ANO1: variants seen among roughly 807,000 people sequenced by gnomAD.
ANO1 encodes the protein anoctamin 1.
Under a neutral mutation model 124.0 loss-of-function variants are expected in ANO1, and 59 were observed. That is an observed-to-expected ratio of 0.48 (90% CI 0.39 to 0.59). ANO1 has a LOEUF of 0.59. ANO1 is among the 20% of genes least tolerant of loss of function. ANO1 has a pLI of 0.00. For missense variants in ANO1, 1,059 were observed against 1,328.0 expected, an observed-to-expected ratio of 0.80 and a Z score of 3.15; for synonymous variants, 529 against 532.0, an observed-to-expected ratio of 0.99 and a Z score of 0.08.
intron 1 of ANO1, among the ~76,000 whole-genome samples, chr11:70,081,362 G>T (rs1565179607): frequency 6.6e-6 from 1 of 152,282 alleles, no homozygotes; most frequent in East Asian, 1.9e-4. Flanking sequence ...GCTGGTATCT[G>T]CCCAGTATTT....
chr11:70,016,144 C>T (rs997994315), intron 1 of ANO1, among the ~76,000 whole-genome samples: 1 of 151,786 alleles, frequency 6.6e-6, no homozygotes, highest in Non-Finnish European at 1.5e-5. Flanking sequence ...TCTCCTGCTT[C>T]GGCCTCCTAA....
At chr11:70,128,907 G>A (rs889000252) in intron 10 of ANO1, among the ~76,000 whole-genome samples, 1 of 152,226 alleles carries the variant, frequency 6.6e-6, no homozygotes, top group Non-Finnish European at 1.5e-5. Context: ...TGGGCAGGCC[G>A]TTGGTGTACG....
At chr11:70,084,013 G>A (rs532407286) in intron 1 of ANO1, among the ~76,000 whole-genome samples, 3 of 152,282 alleles carry the variant, frequency 2.0e-5, no homozygotes, top group Non-Finnish European at 2.9e-5. Flanking sequence ...CAGAAAGGGC[G>A]TACAGGGAGG....
chr11:70,055,202 A>G (rs1000914502), intron 1 of ANO1, among the ~76,000 whole-genome samples: 4 of 152,118 alleles, frequency 2.6e-5, no homozygotes, highest in African/African-American at 9.7e-5. Context: ...TGCACTTAAA[A>G]AATATGTATA....
At chr11:70,037,077 C>T (rs1013202119) in intron 1 of ANO1, among the ~76,000 whole-genome samples, 2 of 152,304 alleles carry the variant, frequency 1.3e-5, no homozygotes, top group Admixed American at 1.3e-4. Context: ...TCTCATCTGT[C>T]GGCCTTTAGT....
At chr11:70,186,835 C>T (rs2049146863) in intron 25 of ANO1, among the ~76,000 whole-genome samples, 1 of 152,242 alleles carries the variant, frequency 6.6e-6, no homozygotes, top group Admixed American at 6.5e-5. Context: ...CCTCTAAGCT[C>T]AGTGGCCCCA....
chr11:69,996,757 G>T (rs1365708129), intron 1 of ANO1, among the ~76,000 whole-genome samples: 2 of 152,220 alleles, frequency 1.3e-5, no homozygotes, highest in Non-Finnish European at 2.9e-5. Context: ...AGATGAGGAG[G>T]TTAGAGTCTG....
intron 18 of ANO1, 132 bp downstream of exon 18, chr11:70,161,865 T>C: frequency 2.4e-6 from 2 of 845,848 alleles, no homozygotes; most frequent in Non-Finnish European, 3.8e-6. Context: ...CCAAAGAGGG[T>C]CAGGGAGAAG....
intron 11 of ANO1, among the ~76,000 whole-genome samples, chr11:70,135,538 T>C (rs2046923969): frequency 1.3e-5 from 2 of 152,174 alleles, no homozygotes; most frequent in African/African-American, 4.8e-5. Flanking sequence ...GGCACAGCCG[T>C]CTGAGAACCC....
chr11:70,163,367 C>A (rs539860668), intron 19 of ANO1, 27 bp downstream of exon 19: 2 of 1,612,748 alleles, frequency 1.2e-6, no homozygotes, highest in South Asian at 1.1e-5. Context: ...TCATCTCTGG[C>A]AGCCCCTTCT....
At chr11:70,119,234 T>C (rs2046142311) in intron 8 of ANO1, among the ~76,000 whole-genome samples, 1 of 93,442 alleles carries the variant, frequency 1.1e-5, no homozygotes, top group Non-Finnish European at 2.0e-5. Context: ...GGAGGAATGA[T>C]GGATGGATGG....
chr11:70,086,702 T>G (rs1472378425), intron 1 of ANO1, among the ~76,000 whole-genome samples: 3 of 152,248 alleles, frequency 2.0e-5, no homozygotes, highest in African/African-American at 7.2e-5. Context: ...CTCTGGGTAC[T>G]GGCAGTGGGA....
At chr11:70,096,294 C>T (rs1343412489) in intron 2 of ANO1, among the ~76,000 whole-genome samples, 1 of 152,198 alleles carries the variant, frequency 6.6e-6, no homozygotes, top group African/African-American at 2.4e-5. Context: ...GGGGCCAGAG[C>T]TTCTCAGGGT....
At chr11:70,182,778 C>T in intron 24 of ANO1, 92 bp downstream of exon 24, 1 of 1,101,706 alleles carries the variant, frequency 9.1e-7, no homozygotes, top group East Asian at 3.1e-5. Context: ...AGGAGCAAGT[C>T]ATGAAACAAC....
chr11:70,103,276 C>A, intron 3 of ANO1, 112 bp downstream of exon 3: 1 of 817,100 alleles, frequency 1.2e-6, no homozygotes, highest in Non-Finnish European at 1.9e-6. Flanking sequence ...AAAAAAAAAC[C>A]CAGTGGGCTT....
chr11:70,085,504 T>G (rs1483955420), intron 1 of ANO1: 1 of 1,536,050 alleles, frequency 6.5e-7, no homozygotes, highest in Non-Finnish European at 8.7e-7. Flanking sequence ...AGTTTCAGCC[T>G]CCTGCCGGCA....
At chr11:70,103,209 A>C (rs1565202408) in intron 3 of ANO1, 45 bp downstream of exon 3, 1 of 1,508,046 alleles carries the variant, frequency 6.6e-7, no homozygotes, top group Non-Finnish European at 9.0e-7. Flanking sequence ...CCAAGTCTAG[A>C]GGTCACTTGG....
intron 7 of ANO1, among the ~76,000 whole-genome samples, chr11:70,112,619 A>G (rs921679624): frequency 4.7e-5 from 7 of 147,622 alleles, no homozygotes; most frequent in African/African-American, 1.8e-4. Context: ...GTGCAATGGC[A>G]TGATCTCGGC....
chr11:70,163,760 A>C (rs2048145160), intron 19 of ANO1, among the ~76,000 whole-genome samples: 1 of 152,022 alleles, frequency 6.6e-6, no homozygotes, highest in South Asian at 2.1e-4. Flanking sequence ...AACATGGTGA[A>C]ACCCCATCTC....
Sources: gnomAD v4.1 joint callset for allele counts (sites outside exome capture counted in the v4.1 genomes callset) on GRCh38, gnomAD v4.1.1 for gene constraint, MANE v1.5 for transcripts, NCBI Gene and HGNC (gene_info 2026-07-23, HGNC 2026-07-21) for gene names.